Variants in LRFN5 observed in about 807,000 individuals in gnomAD.
LRFN5 encodes the protein leucine rich repeat and fibronectin type III domain containing 5, also known as leucine-rich repeat and fibronectin type-III domain-containing protein 5.
A neutral mutation model predicts 45.6 loss-of-function variants in LRFN5; 24 were observed. The observed-to-expected ratio is 0.53, with a 90% CI of 0.38 to 0.74. The LOEUF is 0.74. LRFN5 is among the 30% of genes least tolerant of loss of function. The probability of loss-of-function intolerance (pLI) is 0.00; values close to 1 mark genes in which losing one functional copy is unlikely to be tolerated. For synonymous variants in LRFN5, 340 were observed against 313.8 expected (o/e 1.08, Z -0.88); for missense variants, 776 against 861.5 (o/e 0.90, Z 1.24).
chr14:41,778,176 A>G (rs1481767480), intron 2 of LRFN5, among the ~76,000 whole-genome samples: 1 of 151,768 alleles, frequency 6.6e-6, no homozygotes, highest in East Asian at 1.9e-4. Flanking sequence ...ATGACTGAAA[A>G]TAAATATTTG....
rs558216137 is a variant in LRFN5 at position 41,647,689 on chromosome 14, T to C, written c.-197+39127T>C. Among the ~76,000 whole-genome samples the C allele has an allele frequency of 3.3e-5, 5 of 152,310 alleles. No individual in the cohort carries two copies. The South Asian group carries it at 1.0e-3, about 32-fold the overall frequency. On this transcript the variant is annotated intron_variant, in intron 1 of 5. Coordinates refer to ENST00000298119, the MANE Select transcript of LRFN5 (RefSeq NM_152447.5). ...AGTGTTCAGGTTTGGGCATGTTTAC[T>C]TTGAGTTCCACATGGGATAAGAACA...
intron 1 of LRFN5, among the ~76,000 whole-genome samples, chr14:41,629,914 G>C (rs1450719591): frequency 6.6e-6 from 1 of 152,046 alleles, no homozygotes; most frequent in Non-Finnish European, 1.5e-5. Context: ...TTTTGTATCA[G>C]AGCTTTATTT....
At position 41,642,685 on chromosome 14, in the gene LRFN5, AC is replaced by A. The variant is rs537832700; in HGVS notation, c.-197+34124del. 9.2e-5 allele frequency among the ~76,000 whole-genome samples: 14 copies of A among 152,318 alleles called. No homozygotes were observed. The South Asian group carries it at 2.5e-3, about 27-fold the overall frequency. On this transcript the variant is annotated intron_variant, in intron 1 of 5. Transcript: ENST00000298119. ...TCATAGTGACCTGGATCAAATGAAG[AC>A]TGCCAGCATGGATTGACAGAAAGGC... is the stretch of plus-strand genomic sequence containing the variant.
chr14:41,701,885 C>A (rs189040267), intron 1 of LRFN5, among the ~76,000 whole-genome samples: 1 of 152,096 alleles, frequency 6.6e-6, no homozygotes, highest in Non-Finnish European at 1.5e-5. Context: ...TTCAGAAAAG[C>A]GGAACCTCAA....
rs5808157 is a variant in LRFN5, at chr14:41,837,194, CAAAAAAAAAA to C, written c.-20-49397_-20-49388del. Among the ~76,000 whole-genome samples, 3 of 75,410 alleles carry C rather than the reference CAAAAAAAAAA, an allele frequency of 4.0e-5. No individual in the cohort carries two copies. In the South Asian group the frequency reaches 2.4e-3, roughly 60 times the overall value. 49.5% of individuals were successfully genotyped at this position (75,410 alleles called of 152,430 possible). On this transcript the variant is annotated intron_variant, in intron 2 of 5. Transcript: ENST00000298119. ...AGAATTATCTCTCTCACACACTCCA[CAAAAAAAAAA>C]AAAAAAAAAAAAAAGCTAGCGTTTG...
chr14:41,740,966 C>T (rs1245063741), intron 1 of LRFN5, among the ~76,000 whole-genome samples: 1 of 151,826 alleles, frequency 6.6e-6, no homozygotes, highest in Admixed American at 6.6e-5. Context: ...AAAATAATTC[C>T]ATTTACAATA....
intron 2 of LRFN5, among the ~76,000 whole-genome samples, chr14:41,833,566 T>G (rs1374665338): frequency 1.3e-5 from 2 of 152,200 alleles, no homozygotes; most frequent in African/African-American, 4.8e-5. Context: ...GAGCAGAGTT[T>G]CCTTCGTCAT....
chr14:41,846,488 C>CA (rs1264194473), intron 2 of LRFN5, among the ~76,000 whole-genome samples: 3 of 151,758 alleles, frequency 2.0e-5, no homozygotes, highest in East Asian at 1.9e-4. Flanking sequence ...AGGTCACATG[C>CA]AAAAAAATAC....
chr14:41,645,022 T>C (rs1172135859), intron 1 of LRFN5, among the ~76,000 whole-genome samples: 1 of 152,206 alleles, frequency 6.6e-6, no homozygotes, highest in African/African-American at 2.4e-5. Context: ...GCTTTTGGTA[T>C]GGATTAGTCC....
chr14:41,845,080 A>C (rs535382303), intron 2 of LRFN5, among the ~76,000 whole-genome samples: 1 of 152,228 alleles, frequency 6.6e-6, no homozygotes, highest in African/African-American at 2.4e-5. Context: ...AACGTGCACA[A>C]TTTTATCTAA....
At chr14:41,793,992 T>TCA (rs1178500168) in intron 2 of LRFN5, among the ~76,000 whole-genome samples, 1 of 151,784 alleles carries the variant, frequency 6.6e-6, no homozygotes, top group Non-Finnish European at 1.5e-5. Flanking sequence ...ATTCCTCCTG[T>TCA]CACTCACTTC....
chr14:41,694,559 A>G (rs1460188550), intron 1 of LRFN5, among the ~76,000 whole-genome samples: 4 of 151,854 alleles, frequency 2.6e-5, no homozygotes, highest in African/African-American at 4.8e-5. Flanking sequence ...TTTTCTGTAT[A>G]TGGGCATTCC....
chr14:41,644,056 G>C (rs1289640398), intron 1 of LRFN5, among the ~76,000 whole-genome samples: 1 of 152,154 alleles, frequency 6.6e-6, no homozygotes, highest in Non-Finnish European at 1.5e-5. Flanking sequence ...AAAGTAATTA[G>C]AATACTTTTT....
chr14:41,845,550 C>G (rs1200823141), intron 2 of LRFN5, among the ~76,000 whole-genome samples: 6 of 152,114 alleles, frequency 3.9e-5, no homozygotes, highest in Admixed American at 6.6e-5. Context: ...TCTCAGTAGT[C>G]TACATCTCCT....
intron 2 of LRFN5, among the ~76,000 whole-genome samples, chr14:41,809,104 T>C (rs907941137): frequency 6.6e-6 from 1 of 152,108 alleles, no homozygotes; most frequent in Non-Finnish European, 1.5e-5. Context: ...CATATGGCTA[T>C]AGTTATCTGG....
chr14:41,742,934 A>G (rs577232288), intron 1 of LRFN5: 28 of 155,320 alleles, frequency 1.8e-4, no homozygotes, highest in Admixed American at 3.3e-4. Flanking sequence ...GTGCTATCCT[A>G]TCTTTGACAT....
chr14:41,687,422 A>C (rs1292905442), intron 1 of LRFN5, among the ~76,000 whole-genome samples: 2 of 152,248 alleles, frequency 1.3e-5, no homozygotes, highest in African/African-American at 2.4e-5. Flanking sequence ...TGTGGAAGAC[A>C]GTAATGCGAT....
intron 3 of LRFN5, among the ~76,000 whole-genome samples, chr14:41,890,435 C>A (rs1320217319): frequency 6.6e-6 from 1 of 151,774 alleles, no homozygotes; most frequent in Non-Finnish European, 1.5e-5. Flanking sequence ...AGGCCGGGCG[C>A]GGTGGCTCAC....
intron 2 of LRFN5, among the ~76,000 whole-genome samples, chr14:41,784,384 T>A (rs1190636451): frequency 6.6e-6 from 1 of 152,024 alleles, no homozygotes; most frequent in Non-Finnish European, 1.5e-5. Flanking sequence ...TTTTTAAAAA[T>A]TTTTATTTCT....
Sources: gnomAD v4.1 joint callset for allele counts (sites outside exome capture counted in the v4.1 genomes callset) on GRCh38, gnomAD v4.1.1 for gene constraint, MANE v1.5 for transcripts, NCBI Gene and HGNC (gene_info 2026-07-23, HGNC 2026-07-21) for gene names.